The following LPP variants were observed in gnomAD, a reference collection of about 807,000 sequenced individuals.
The protein encoded by LPP is LIM domain containing preferred translocation partner in lipoma, also known as lipoma-preferred partner.
In LPP, 38 loss-of-function variants were observed where a neutral mutation model predicts 60.4. The observed-to-expected ratio is 0.63, with a 90% CI of 0.49 to 0.83. LPP has a LOEUF of 0.83. Ranked by LOEUF, LPP falls within the 40% of genes least tolerant of loss-of-function variation. LPP has a pLI of 0.00. For missense variants in LPP, 902 were observed against 783.6 expected, an observed-to-expected ratio of 1.15 and a Z score of -1.80; for synonymous variants, 328 against 290.8, an observed-to-expected ratio of 1.13 and a Z score of -1.30.
intron 7 of LPP, among the ~76,000 whole-genome samples, chr3:188,673,278 C>A (rs891422472): frequency 6.6e-6 from 1 of 151,240 alleles, no homozygotes; most frequent in Non-Finnish European, 1.5e-5. Flanking sequence ...TGAGCTTGGT[C>A]AATTTACATC....
chr3:188,249,967 A>G (rs942394122), intron 2 of LPP, among the ~76,000 whole-genome samples: 1 of 150,644 alleles, frequency 6.6e-6, no homozygotes, highest in Non-Finnish European at 1.5e-5. Flanking sequence ...CCCTAAGTAC[A>G]GTGTGTATTT....
intron 1 of LPP, among the ~76,000 whole-genome samples, chr3:188,161,642 G>A (rs867278521): frequency 6.6e-6 from 1 of 152,252 alleles, no homozygotes; most frequent in South Asian, 2.1e-4. Flanking sequence ...GTGGAGTTGG[G>A]TCACAGCCTT....
intron 9 of LPP, among the ~76,000 whole-genome samples, chr3:188,761,380 A>G (rs1192677332): frequency 6.6e-6 from 1 of 152,206 alleles, no homozygotes; most frequent in Admixed American, 6.5e-5. Context: ...GCTTCGTAGG[A>G]TTAAATATGG....
chr3:188,270,304 C>T (rs1178642744), intron 2 of LPP, among the ~76,000 whole-genome samples: 1 of 150,562 alleles, frequency 6.6e-6, no homozygotes, highest in Non-Finnish European at 1.5e-5. Context: ...TGTGTGTGGA[C>T]ACACACACAC....
At chr3:188,813,100 T>G (rs1216749824) in intron 9 of LPP, among the ~76,000 whole-genome samples, 1 of 152,196 alleles carries the variant, frequency 6.6e-6, no homozygotes, top group African/African-American at 2.4e-5. Flanking sequence ...ATTTAGCATT[T>G]GGAGCTTATA....
chr3:188,735,370 A>T (rs1224780942), intron 8 of LPP, among the ~76,000 whole-genome samples: 7 of 149,718 alleles, frequency 4.7e-5, no homozygotes, highest in Non-Finnish European at 3.0e-5. Context: ...TAAAATAAAA[A>T]TTTTATTTTA....
intron 1 of LPP, among the ~76,000 whole-genome samples, chr3:188,183,196 G>A (rs917463424): frequency 6.6e-5 from 10 of 152,204 alleles, no homozygotes; most frequent in African/African-American, 1.9e-4. Context: ...TGATTGGGCA[G>A]CTGGGAGTGT....
intron 1 of LPP, among the ~76,000 whole-genome samples, chr3:188,165,844 T>G (rs73055693): frequency 0.024 from 3,684 of 152,120 alleles, 154 homozygotes; most frequent in African/African-American, 0.084. Flanking sequence ...CTAAGAAAAT[T>G]ACACGTGCAA....
At chr3:188,846,397 G>A (rs1174642298) in intron 9 of LPP, among the ~76,000 whole-genome samples, 1 of 152,110 alleles carries the variant, frequency 6.6e-6, no homozygotes, top group East Asian at 1.9e-4. Flanking sequence ...TAAGATATGT[G>A]TAGAGGCTGG....
intron 5 of LPP, among the ~76,000 whole-genome samples, chr3:188,505,900 GT>G (rs1213991438): frequency 2.6e-5 from 4 of 151,966 alleles, no homozygotes; most frequent in Non-Finnish European, 5.9e-5. Flanking sequence ...TCTCCTCTTG[GT>G]TTATTTTTCA....
intron 5 of LPP, among the ~76,000 whole-genome samples, chr3:188,490,925 TTTTAG>T (rs1808176141): frequency 1.3e-5 from 2 of 151,686 alleles, no homozygotes; most frequent in Admixed American, 1.3e-4. Context: ...TGGCTAATTT[TTTTAG>T]TTTTTTATTT....
At chr3:188,826,941 G>T (rs1395343652) in intron 9 of LPP, among the ~76,000 whole-genome samples, 1 of 151,824 alleles carries the variant, frequency 6.6e-6, no homozygotes, top group African/African-American at 2.4e-5. Context: ...TCAGGCCTAG[G>T]GTAGTTCCTC....
intron 7 of LPP, among the ~76,000 whole-genome samples, chr3:188,694,144 G>A (rs1343852560): frequency 6.6e-6 from 1 of 152,124 alleles, no homozygotes; most frequent in Non-Finnish European, 1.5e-5. Context: ...TATTTTCTTA[G>A]CATTTTATTC....
chr3:188,556,316 C>G (rs115043154), intron 6 of LPP, among the ~76,000 whole-genome samples: 1 of 151,856 alleles, frequency 6.6e-6, no homozygotes, highest in Non-Finnish European at 1.5e-5. Context: ...TTTAATTAAC[C>G]CTTCTGTGTG....
At chr3:188,514,378 A>C (rs1816707545) in intron 5 of LPP, among the ~76,000 whole-genome samples, 1 of 151,970 alleles carries the variant, frequency 6.6e-6, no homozygotes. Flanking sequence ...AACCATGTAC[A>C]TCATCTTTTT....
At chr3:188,319,018 A>C (rs13087727) in intron 2 of LPP, among the ~76,000 whole-genome samples, 2 of 152,030 alleles carry the variant, frequency 1.3e-5, no homozygotes, top group Admixed American at 1.3e-4. Flanking sequence ...TCGGCCTCCC[A>C]AAGTGCTGGG....
At chr3:188,502,406 A>G (rs1812187699) in intron 5 of LPP, among the ~76,000 whole-genome samples, 1 of 151,790 alleles carries the variant, frequency 6.6e-6, no homozygotes, top group Non-Finnish European at 1.5e-5. Flanking sequence ...CTTAAAATCT[A>G]TTTTCTCTGA....
chr3:188,484,784 A>G, intron 5 of LPP, 80 bp downstream of exon 5: 1 of 1,028,002 alleles, frequency 9.7e-7, no homozygotes. Flanking sequence ...GGAGCTCATG[A>G]ATTTCATGAG....
chr3:188,207,483 C>T (rs1198577773), intron 1 of LPP, among the ~76,000 whole-genome samples: 3 of 152,036 alleles, frequency 2.0e-5, no homozygotes, highest in Non-Finnish European at 4.4e-5. Flanking sequence ...CCGCCTGCCT[C>T]GGCCTCCCAA....
Sources: allele counts gnomAD v4.1 joint callset (sites outside exome capture counted in the v4.1 genomes callset), GRCh38; gene constraint gnomAD v4.1.1; transcripts MANE v1.5; gene names NCBI Gene and HGNC (gene_info 2026-07-23, HGNC 2026-07-21).